Variants in PHC3 observed in about 807,000 individuals in gnomAD.
PHC3 encodes the protein polyhomeotic-like protein 3.
A neutral mutation model predicts 107.4 loss-of-function variants in PHC3; 13 were observed. The observed-to-expected ratio is 0.12, with a 90% CI of 0.08 to 0.19. PHC3 has a LOEUF of 0.19. PHC3 is among the 10% of genes least tolerant of loss of function. PHC3 has a pLI of 1.00. For missense variants in PHC3, 992 were observed against 1,210.9 expected, an observed-to-expected ratio of 0.82 and a Z score of 2.68; for synonymous variants, 456 against 427.4, an observed-to-expected ratio of 1.07 and a Z score of -0.83.
intron 8 of PHC3, 122 bp from the exon 9 acceptor site, chr3:170,122,866 T>C: frequency 9.6e-7 from 1 of 1,041,118 alleles, no homozygotes; most frequent in Admixed American, 3.2e-5. Flanking sequence ...AAATGACTAC[T>C]CTAACAGACT....
chr3:170,143,298 T>G (rs982980333), intron 6 of PHC3, among the ~76,000 whole-genome samples: 1 of 151,994 alleles, frequency 6.6e-6, no homozygotes, highest in East Asian at 1.9e-4. Context: ...TTAACAGAGA[T>G]AAAGTTCTCA....
chr3:170,112,021 T>C (rs573306040), intron 11 of PHC3, among the ~76,000 whole-genome samples: 5 of 152,274 alleles, frequency 3.3e-5, no homozygotes, highest in African/African-American at 1.2e-4. Flanking sequence ...TAAACTGAAC[T>C]CTATCACCTG....
At chr3:170,168,789 A>G (rs1324910539) in intron 4 of PHC3, among the ~76,000 whole-genome samples, 4 of 151,448 alleles carry the variant, frequency 2.6e-5, no homozygotes, top group African/African-American at 9.7e-5. Context: ...CCACTCCACT[A>G]CTGACAATAG....
At chr3:170,128,602 T>C (rs548365468) in intron 8 of PHC3, 82 bp downstream of exon 8, 2 of 1,465,278 alleles carry the variant, frequency 1.4e-6, no homozygotes, top group African/African-American at 2.8e-5. Context: ...GGCATTTAGA[T>C]CTTGCAATAA....
chr3:170,105,486 T>C (rs1171343555), intron 12 of PHC3, among the ~76,000 whole-genome samples: 1 of 152,188 alleles, frequency 6.6e-6, no homozygotes, highest in African/African-American at 2.4e-5. Context: ...TATGCAATTA[T>C]ATTAATTTTT....
intron 2 of PHC3, among the ~76,000 whole-genome samples, chr3:170,173,514 T>C (rs1345358912): frequency 6.6e-6 from 1 of 152,200 alleles, no homozygotes; most frequent in East Asian, 1.9e-4. Context: ...AGATCAGTGC[T>C]GTCCTATACA....
Position 170,088,360 on chromosome 3 carries a change from A to G in PHC3, c.*8870T>C, listed in dbSNP as rs1713707918. 1 of 152,218 alleles carries G rather than the reference A, an allele frequency of 6.6e-6. No individual in the cohort carries two copies. 9.4% of individuals were successfully genotyped at this position (152,218 alleles called of 1,614,324 possible). A position where few individuals can be genotyped will look rare whatever the true frequency, so the allele number is the denominator to read the frequency against. On this transcript the variant is annotated 3_prime_UTR_variant, in exon 15 of 15. Transcript: ENST00000495893. ...CAACAATTGGTCTTTGCTAAAATTA[A>G]CAAAATTTTAATAAGCAAGACGACA...
intron 6 of PHC3, among the ~76,000 whole-genome samples, chr3:170,138,125 G>A (rs1723423025): frequency 6.6e-6 from 1 of 151,926 alleles, no homozygotes; most frequent in Admixed American, 6.6e-5. Context: ...CCTGGGAGGC[G>A]GAGGCTGCAG....
intron 2 of PHC3, 90 bp downstream of exon 2, chr3:170,178,683 G>C: frequency 7.2e-7 from 1 of 1,381,226 alleles, no homozygotes; most frequent in Non-Finnish European, 1.0e-6. Context: ...CTGTACATTT[G>C]AGAATATGAA....
At chr3:170,172,105 C>T (rs1480851061) in intron 3 of PHC3, among the ~76,000 whole-genome samples, 1 of 152,142 alleles carries the variant, frequency 6.6e-6, no homozygotes, top group Non-Finnish European at 1.5e-5. Context: ...TAGATTGTTA[C>T]TGTGGCCACC....
At chr3:170,144,157 T>C (rs1295609806) in intron 6 of PHC3, among the ~76,000 whole-genome samples, 6 of 137,106 alleles carry the variant, frequency 4.4e-5, no homozygotes, top group Non-Finnish European at 7.8e-5. Context: ...CTGTTTCTAC[T>C]TAAAAAAAAA....
intron 4 of PHC3, chr3:170,169,771 C>T (rs1729300164): frequency 1.3e-5 from 2 of 152,116 alleles, no homozygotes; most frequent in Non-Finnish European, 2.9e-5. Context: ...TTCAAAATAA[C>T]ATATCTATAC....
chr3:170,163,606 T>C (rs1164667343), intron 4 of PHC3, among the ~76,000 whole-genome samples: 1 of 152,016 alleles, frequency 6.6e-6, no homozygotes, highest in Non-Finnish European at 1.5e-5. Context: ...CTCACACCTG[T>C]AATCCCAGAA....
At chr3:170,181,548 G>A (rs904692192) in intron 1 of PHC3, 154 bp downstream of exon 1, 13 of 1,099,682 alleles carry the variant, frequency 1.2e-5, no homozygotes, top group Middle Eastern at 2.0e-4. Context: ...CCCGCGACAC[G>A]GGCCTAGCCG....
intron 3 of PHC3, among the ~76,000 whole-genome samples, chr3:170,171,722 T>C (rs1045222435): frequency 1.3e-5 from 2 of 152,192 alleles, no homozygotes; most frequent in Admixed American, 6.5e-5. Context: ...ATCTTTAAAG[T>C]GGAATCACTA....
At chr3:170,122,184 G>A (rs1394317712) in intron 9 of PHC3, among the ~76,000 whole-genome samples, 1 of 152,118 alleles carries the variant, frequency 6.6e-6, no homozygotes, top group Non-Finnish European at 1.5e-5. Flanking sequence ...AGGAGATAGG[G>A]GCTACAATGA....
rs1426220196 is a variant in PHC3, at chr3:170,122,866, TCTAA to T, written c.1789-126_1789-123del. The T allele has an allele frequency of 4.4e-4, 455 of 1,041,118 alleles. 5 individuals are homozygous for T. In the East Asian group the frequency reaches 0.011, roughly 26 times the overall value. The allele number at this position is 1,041,118 out of a possible 1,614,324, so 64.5% of individuals were successfully genotyped here. On this transcript the variant is annotated intron_variant, in intron 8 of 14. Coordinates refer to ENST00000495893, the MANE Select transcript of PHC3 (RefSeq NM_024947.4). ...TTAAAAACAAGGCAAAAATGACTAC[TCTAA>T]CAGACTGAAAGGAAAACTTAAAAAT...
chr3:170,124,608 T>A (rs1415891160), intron 8 of PHC3, among the ~76,000 whole-genome samples: 1 of 151,726 alleles, frequency 6.6e-6, no homozygotes, highest in Non-Finnish European at 1.5e-5. Flanking sequence ...CAAGTGATCC[T>A]CCTGCCTTGG....
intron 5 of PHC3, among the ~76,000 whole-genome samples, chr3:170,146,308 G>A (rs6809214): frequency 0.12 from 18,001 of 151,102 alleles, 1,116 homozygotes; most frequent in Middle Eastern, 0.16. Context: ...CCAGGAGGTG[G>A]AGGTTGCAGT....
Sources: gnomAD v4.1 joint callset for allele counts (sites outside exome capture counted in the v4.1 genomes callset) on GRCh38, gnomAD v4.1.1 for gene constraint, MANE v1.5 for transcripts, NCBI Gene and HGNC (gene_info 2026-07-23, HGNC 2026-07-21) for gene names.